Variants in LEPR observed in about 807,000 individuals in gnomAD.
The protein encoded by LEPR is leptin receptor.
Under a neutral mutation model 114.7 loss-of-function variants are expected in LEPR, and 56 were observed. The observed-to-expected ratio is 0.49, with a 90% CI of 0.39 to 0.61. LEPR has a LOEUF of 0.61. LEPR is among the 20% of genes least tolerant of loss of function. The pLI is 0.00. For synonymous variants in LEPR, 443 were observed against 461.4 expected (o/e 0.96, Z 0.51); for missense variants, 1,202 against 1,352.9 (o/e 0.89, Z 1.75).
chr1:65,499,619 C>T (rs796423268), intron 2 of LEPR, among the ~76,000 whole-genome samples: 2 of 152,154 alleles, frequency 1.3e-5, no homozygotes, highest in African/African-American at 4.8e-5. Flanking sequence ...AGTGTAGTAA[C>T]ATATATAATG....
intron 3 of LEPR, among the ~76,000 whole-genome samples, chr1:65,569,550 T>C (rs533294814): frequency 6.6e-6 from 1 of 151,702 alleles, no homozygotes; most frequent in East Asian, 1.9e-4. Flanking sequence ...CTACTAAAAG[T>C]ACAAAAATTA....
At chr1:65,628,435 C>G (rs559767532) in intron 19 of LEPR, among the ~76,000 whole-genome samples, 1 of 152,264 alleles carries the variant, frequency 6.6e-6, no homozygotes, top group South Asian at 2.1e-4. Context: ...CCCATGATTT[C>G]AAGAATGCTG....
chr1:65,574,068 G>A (rs1007672452), intron 5 of LEPR, among the ~76,000 whole-genome samples: 2 of 152,138 alleles, frequency 1.3e-5, no homozygotes, highest in African/African-American at 4.8e-5. Context: ...ATATGTATTT[G>A]GTAGGTACAT....
At chr1:65,452,313 A>C (rs1018771301) in intron 2 of LEPR, among the ~76,000 whole-genome samples, 3 of 150,274 alleles carry the variant, frequency 2.0e-5, no homozygotes, top group African/African-American at 7.3e-5. Flanking sequence ...TTCCAACACT[A>C]TGTTGAATAG....
intron 2 of LEPR, among the ~76,000 whole-genome samples, chr1:65,465,675 T>A (rs1414694192): frequency 1.3e-5 from 2 of 152,146 alleles, no homozygotes; most frequent in Non-Finnish European, 2.9e-5. Context: ...TCTTTGTAGG[T>A]CTCTAAGGAC....
intron 14 of LEPR, among the ~76,000 whole-genome samples, chr1:65,615,174 T>C (rs1223399119): frequency 2.0e-5 from 3 of 152,214 alleles, no homozygotes; most frequent in Non-Finnish European, 4.4e-5. Flanking sequence ...CTGCCATTTC[T>C]AACTTAGAGG....
At chr1:65,511,764 T>C (rs1311294647) in intron 2 of LEPR, among the ~76,000 whole-genome samples, 2 of 152,130 alleles carry the variant, frequency 1.3e-5, no homozygotes, top group East Asian at 3.9e-4. Flanking sequence ...TGCCACAATC[T>C]GTAGAAAACT....
At chr1:65,626,071 C>A in intron 19 of LEPR, 1 of 1,554,484 alleles carries the variant, frequency 6.4e-7, no homozygotes, top group Non-Finnish European at 8.8e-7. Flanking sequence ...ATCAGGCCCA[C>A]ATCAGCAAAA....
In LEPR at chr1:65,601,624, AGT is replaced by A. The variant is rs1183129354; in HGVS notation, c.1230_1231del (p.Tyr411LeufsTer4). On this transcript the variant is annotated frameshift_variant, in exon 9 of 20. Coordinates refer to ENST00000349533, the MANE Select transcript of LEPR (RefSeq NM_002303.6). LOFTEE classifies it high-confidence loss of function. ...KPRGKFTYDA[V>X]YCCNEHECHH... ...CTCGAGGAAAGTTTACCTATGATGCAGTGTACTGCTGCAATGAACATGAATGC... is the reference window on the plus strand; with the variant it reads ...CTCGAGGAAAGTTTACCTATGATGCAGTACTGCTGCAATGAACATGAATGC... The A allele has an allele frequency of 2.5e-6, 4 of 1,613,736 alleles. No homozygotes were observed. Among genetic ancestry groups the A allele is most frequent in the Non-Finnish European group, 3.4e-6 (4 of 1,179,738 alleles).
intron 2 of LEPR, among the ~76,000 whole-genome samples, chr1:65,534,599 A>G (rs1650627762): frequency 6.6e-6 from 1 of 152,038 alleles, no homozygotes; most frequent in South Asian, 2.1e-4. Flanking sequence ...AAGTATATGG[A>G]AAAAAAACTA....
intron 2 of LEPR, among the ~76,000 whole-genome samples, chr1:65,477,419 A>G (rs955212924): frequency 4.6e-5 from 7 of 152,202 alleles, no homozygotes; most frequent in African/African-American, 1.7e-4. Context: ...TCTTTGTCCA[A>G]TGATGGATAC....
intron 10 of LEPR, among the ~76,000 whole-genome samples, chr1:65,604,238 G>A (rs1315187986): frequency 3.3e-5 from 5 of 151,824 alleles, no homozygotes; most frequent in Admixed American, 3.3e-4. Flanking sequence ...CAGTTTCTGT[G>A]GAAAGATATA....
rs1220527471 is a variant in LEPR at position 65,622,939 on chromosome 1, C to T, written c.2631C>T (p.Asn877=). 6.2e-7 allele frequency: 1 copy of T among 1,613,954 alleles called. No homozygotes were observed. The highest frequency in any genetic ancestry group is 8.5e-7 in the Non-Finnish European group (1 of 1,179,938). ...AGCTATTTTGGGAAGATGTTCCGAA[C>T]CCCAAGAATTGTTCCTGGGCACAAG... ...MKKLFWEDVP[N]PKNCSWAQGL... is the part of the protein sequence containing the mutation. The change falls in exon 19 of 20, where the codon AAC becomes AAT. Residue 877 remains asparagine, a synonymous_variant. Coordinates refer to ENST00000349533, the MANE Select transcript of LEPR (RefSeq NM_002303.6).
intron 2 of LEPR, among the ~76,000 whole-genome samples, chr1:65,523,197 C>T (rs185920196): frequency 6.6e-6 from 1 of 152,326 alleles, no homozygotes; most frequent in Admixed American, 6.5e-5. Context: ...GCTTGACCTT[C>T]AAGTATTGCC....
chr1:65,480,438 G>A (rs2025804), intron 2 of LEPR, among the ~76,000 whole-genome samples: 103,139 of 151,872 alleles, frequency 0.68, 36,191 homozygotes, highest in Middle Eastern at 0.82. Flanking sequence ...GTGAAGCTAA[G>A]ATATAATGGA....
At chr1:65,566,030 A>G (rs1557666416) in intron 3 of LEPR, among the ~76,000 whole-genome samples, 2 of 152,142 alleles carry the variant, frequency 1.3e-5, no homozygotes, top group East Asian at 1.9e-4. Flanking sequence ...TTACCGGGAT[A>G]CTTATTAGTT....
intron 3 of LEPR, among the ~76,000 whole-genome samples, chr1:65,565,956 A>T (rs574621114): frequency 2.0e-5 from 3 of 152,190 alleles, no homozygotes; most frequent in East Asian, 3.9e-4. Context: ...GTTGTTCTGG[A>T]TGTTTATTTT....
At chr1:65,542,625 C>G (rs1352580111) in intron 2 of LEPR, among the ~76,000 whole-genome samples, 1 of 151,788 alleles carries the variant, frequency 6.6e-6, no homozygotes, top group African/African-American at 2.4e-5. Context: ...CCAGCCACCC[C>G]CCGACAGGCC....
In LEPR at chr1:65,546,914, T is replaced by G. The variant is rs913052812; in HGVS notation, c.-20-18632T>G. On this transcript the variant is annotated intron_variant, in intron 2 of 19. Coordinates refer to ENST00000349533, the MANE Select transcript of LEPR (RefSeq NM_002303.6). ...TTTTCAAAGGGAATGCTTCCAGTTT[T>G]TGCCCATTCAGTATGATATTGGCTG... Among the ~76,000 whole-genome samples, 7 of 152,322 alleles carry G rather than the reference T, an allele frequency of 4.6e-5. No homozygotes were observed. The South Asian group carries it at 1.2e-3, about 27-fold the overall frequency.
Sources: gnomAD v4.1 joint callset for allele counts (sites outside exome capture counted in the v4.1 genomes callset) on GRCh38, gnomAD v4.1.1 for gene constraint, MANE v1.5 for transcripts, NCBI Gene and HGNC (gene_info 2026-07-23, HGNC 2026-07-21) for gene names.